Variants in LRP2 observed in about 807,000 individuals in gnomAD.
LRP2 encodes LDL receptor related protein 2.
LRP2 carries 172 observed loss-of-function variants against 531.0 expected under a neutral mutation model. The observed-to-expected ratio is 0.32, with a 90% CI of 0.29 to 0.37. The LOEUF (loss-of-function observed/expected upper bound fraction) is 0.37. Ranked by LOEUF, LRP2 falls within the 10% of genes least tolerant of loss-of-function variation. LRP2 has a pLI of 1.00. For synonymous variants in LRP2, 1,992 were observed against 2,027.6 expected (o/e 0.98, Z 0.47); for missense variants, 5,167 against 5,868.3 (o/e 0.88, Z 3.90).
At chr2:169,342,533 A>G (rs1685590436) in intron 1 of LRP2, among the ~76,000 whole-genome samples, 1 of 152,146 alleles carries the variant, frequency 6.6e-6, no homozygotes, top group Non-Finnish European at 1.5e-5. Context: ...TTCCCAGCTT[A>G]CATTTCTTCA....
At chr2:169,163,342 G>A (rs1686657117) in intron 62 of LRP2, among the ~76,000 whole-genome samples, 1 of 152,132 alleles carries the variant, frequency 6.6e-6, no homozygotes, top group South Asian at 2.1e-4. Flanking sequence ...TACCTTACAA[G>A]CAGAAATAAA....
At chr2:169,285,526 C>G (rs1339909750) in intron 9 of LRP2, among the ~76,000 whole-genome samples, 1 of 152,118 alleles carries the variant, frequency 6.6e-6, no homozygotes, top group Non-Finnish European at 1.5e-5. Context: ...CACTCCAATA[C>G]CTTTATCTAT....
Position 169,207,175 on chromosome 2 carries a change from C to A in LRP2, c.6545G>T (p.Arg2182Leu). Residue 2182 changes from arginine to leucine, a missense_variant, in exon 39 of 79, where the codon CGT becomes CTT. Arg to Leu is a moderately radical substitution (Grantham distance 102). Transcript: ENST00000649046. The stretch of plus-strand genomic sequence containing the variant: ...GTCCACTGTGACTTTAAGAAGAACA[C>A]GGCGGTAAGTAGTATTGATCCGCAG... The part of the protein sequence containing the change: ...EVLRINTTYR[R>L]VLLKVTVDMP... 6.2e-7 allele frequency: 1 copy of A among 1,613,554 alleles called. No individual in the cohort carries two copies. The highest frequency in any genetic ancestry group is 8.5e-7 in the Non-Finnish European group (1 of 1,179,820).
chr2:169,263,012 T>C (rs1434149932), intron 16 of LRP2, among the ~76,000 whole-genome samples: 1 of 152,176 alleles, frequency 6.6e-6, no homozygotes, highest in East Asian at 1.9e-4. Context: ...CCCTATTTAA[T>C]AAATGGTGCT....
At chr2:169,273,142 C>G in intron 14 of LRP2, 75 bp from the exon 15 acceptor site, 1 of 1,526,882 alleles carries the variant, frequency 6.5e-7, no homozygotes, top group African/African-American at 1.4e-5. Context: ...CCACTTCTAG[C>G]CCTTTTCACC....
At chr2:169,175,441 T>C (rs888357281) in intron 54 of LRP2, 52 bp from the exon 55 acceptor site, 1 of 1,545,970 alleles carries the variant, frequency 6.5e-7, no homozygotes, top group Non-Finnish European at 8.9e-7. Context: ...GGGCAACAGT[T>C]ATCTGGAGAG....
At chr2:169,223,583 G>A (rs1472865897) in intron 33 of LRP2, among the ~76,000 whole-genome samples, 1 of 152,136 alleles carries the variant, frequency 6.6e-6, no homozygotes, top group Non-Finnish European at 1.5e-5. Context: ...CTGTCAAAGA[G>A]GGTTAAACCA....
chr2:169,137,692 A>G (rs927866952), intron 75 of LRP2, among the ~76,000 whole-genome samples, 199 bp from the exon 76 acceptor site: 41 of 151,408 alleles, frequency 2.7e-4, no homozygotes, highest in Admixed American at 9.9e-4. Flanking sequence ...CAAGACCTCC[A>G]TATGGCAAAT....
At chr2:169,341,631 T>G (rs1341904633) in intron 1 of LRP2, among the ~76,000 whole-genome samples, 1 of 152,206 alleles carries the variant, frequency 6.6e-6, no homozygotes, top group African/African-American at 2.4e-5. Flanking sequence ...GTGGTTCTCC[T>G]TTTCCTCTTA....
rs775018424 is a variant in LRP2, at chr2:169,237,095, AG to A, written c.4691+7del. Reference sequence around the variant, plus strand: ...TCAAGGCAACATAATTTTAAAAAAAAGTCTTACTTCATTCTGGGATCTAATG... The same window carrying A: ...TCAAGGCAACATAATTTTAAAAAAAATCTTACTTCATTCTGGGATCTAATG... On this transcript the variant is annotated splice_region_variant and intron_variant, in intron 28 of 78. Coordinates refer to ENST00000649046, the MANE Select transcript of LRP2 (RefSeq NM_004525.3). 25 of 1,611,632 alleles carry A rather than the reference AG, an allele frequency of 1.6e-5. No homozygotes were observed. In the Admixed American group the frequency reaches 3.5e-4, roughly 23 times the overall value.
At chr2:169,210,030 G>A (rs1287750529) in intron 37 of LRP2, among the ~76,000 whole-genome samples, 1 of 151,968 alleles carries the variant, frequency 6.6e-6, no homozygotes, top group Non-Finnish European at 1.5e-5. Context: ...GTAACACACT[G>A]AATTTAAAAA....
At chr2:169,263,235 A>C (rs938830884) in intron 16 of LRP2, among the ~76,000 whole-genome samples, 1 of 152,218 alleles carries the variant, frequency 6.6e-6, no homozygotes, top group Non-Finnish European at 1.5e-5. Flanking sequence ...AAAAGCCAAA[A>C]TTGACAAATG....
intron 16 of LRP2, among the ~76,000 whole-genome samples, chr2:169,269,663 C>A (rs1398310540): frequency 6.6e-6 from 1 of 152,164 alleles, no homozygotes; most frequent in African/African-American, 2.4e-5. Context: ...TAGAAGAAAA[C>A]CTAGACAATA....
At chr2:169,178,236 A>G (rs1282349535) in intron 52 of LRP2, among the ~76,000 whole-genome samples, 1 of 152,266 alleles carries the variant, frequency 6.6e-6, no homozygotes, top group Non-Finnish European at 1.5e-5. Context: ...GTGAAAAAGC[A>G]ATACTTAACA....
chr2:169,328,441 T>TAAAAAAAAAAAAA (rs537210492), intron 1 of LRP2, among the ~76,000 whole-genome samples: 11 of 49,100 alleles, frequency 2.2e-4, no homozygotes, highest in African/African-American at 4.5e-4. Flanking sequence ...CGGGCCGGGA[T>TAAAAAAAAAAAAA]AAAAAAAAAA....
chr2:169,146,852 C>G lies in LRP2; in HGVS notation c.12698G>C (p.Gly4233Ala). 1.2e-6 allele frequency: 2 copies of G among 1,614,178 alleles called. No homozygotes were observed. Among genetic ancestry groups the G allele is most frequent in the Non-Finnish European group, 1.7e-6 (2 of 1,180,022 alleles). ...LVFEDLGWPTGLSIDYLNNDR... is the reference protein window; with the variant it reads ...LVFEDLGWPTALSIDYLNNDR... ...ATTGTTCAAATAATCGATAGAAAGG[C>G]CAGTTGGCCAACCAAGGTCCTCGAA... The change falls in exon 69 of 79, where the codon GGC becomes GCC. Residue 4233 changes from glycine (G) to alanine (A), a missense_variant. Transcript: ENST00000649046.
At chr2:169,302,133 G>A (rs1458174030) in intron 4 of LRP2, among the ~76,000 whole-genome samples, 1 of 151,814 alleles carries the variant, frequency 6.6e-6, no homozygotes, top group Admixed American at 6.6e-5. Flanking sequence ...ATAATAAAGT[G>A]TCATGTCTCA....
In LRP2 at chr2:169,240,098, G is replaced by A. The variant is rs562025337; in HGVS notation, c.4046-323C>T. ...AAGGAAGAAAAGTGTCATTGATAGAGCATGCAAAGACACTTAAAATTGTTT... is the reference window on the plus strand; with the variant it reads ...AAGGAAGAAAAGTGTCATTGATAGAACATGCAAAGACACTTAAAATTGTTT... On this transcript the variant is annotated intron_variant, in intron 25 of 78. Coordinates refer to ENST00000649046, the MANE Select transcript of LRP2 (RefSeq NM_004525.3). 1.2e-4 allele frequency among the ~76,000 whole-genome samples: 17 copies of A among 142,156 alleles called. No homozygotes were observed. The South Asian group carries it at 4.8e-3, about 40-fold the overall frequency. 93.3% of individuals were successfully genotyped at this position (142,156 alleles called of 152,430 possible). A position where few individuals can be genotyped will look rare whatever the true frequency, so the allele number is the denominator to read the frequency against.
intron 1 of LRP2, among the ~76,000 whole-genome samples, chr2:169,337,667 C>A (rs1480744967): frequency 1.3e-5 from 2 of 152,230 alleles, no homozygotes; most frequent in Admixed American, 1.3e-4. Flanking sequence ...AGCCCTTATT[C>A]TACTATTTGT....
Sources: allele counts gnomAD v4.1 joint callset (sites outside exome capture counted in the v4.1 genomes callset), GRCh38; gene constraint gnomAD v4.1.1; transcripts MANE v1.5; gene names NCBI Gene and HGNC (gene_info 2026-07-23, HGNC 2026-07-21).